The following TENT2 variants were observed in gnomAD, a reference collection of about 807,000 sequenced individuals.
The protein encoded by TENT2 is terminal nucleotidyltransferase 2, also known as poly(A) RNA polymerase GLD2.
TENT2 carries 44 observed loss-of-function variants against 72.2 expected under a neutral mutation model. That is an observed-to-expected ratio of 0.61 (90% CI 0.48 to 0.78). The LOEUF (loss-of-function observed/expected upper bound fraction) is 0.78, where lower values mean the gene tolerates loss of function less well. Ranked by LOEUF, TENT2 falls within the 30% of genes least tolerant of loss-of-function variation. The pLI, the probability that TENT2 is intolerant of heterozygous loss-of-function variation, is 0.00. For missense variants in TENT2, 541 were observed against 569.6 expected, an observed-to-expected ratio of 0.95 and a Z score of 0.51; for synonymous variants, 212 against 192.5, an observed-to-expected ratio of 1.10 and a Z score of -0.84.
In TENT2 at chr5:79,623,390, T is replaced by C. The variant is rs755309543; in HGVS notation, c.366T>C (p.His122=). 3 of 1,613,530 alleles carry C rather than the reference T, an allele frequency of 1.9e-6. No individual in the cohort carries two copies. In the East Asian group the frequency reaches 6.7e-5, roughly 36 times the overall value. The stretch of plus-strand genomic sequence containing the variant: ...GATACTCAATGCCACCATTGTTTCA[T>C]ACACATTATGTACCAGATATAGTCA... ...ERRYSMPPLF[H]THYVPDIVRC... The change falls in exon 4 of 15, where the codon CAT becomes CAC. Residue 122 remains histidine (H), a synonymous_variant. Coordinates refer to ENST00000453514, the MANE Select transcript of TENT2 (RefSeq NM_001114394.3).
rs1462885744 is a variant in TENT2, at chr5:79,686,887, A to G, written c.*1614A>G. Among the ~76,000 whole-genome samples, 1 of 152,200 alleles carries G rather than the reference A, an allele frequency of 6.6e-6. No homozygotes were observed. The highest frequency in any genetic ancestry group is 6.5e-5 in the Admixed American group (1 of 15,280). On this transcript the variant is annotated 3_prime_UTR_variant, in exon 15 of 15. Transcript: ENST00000453514. ...GGGGGGAATTTTTCCTAAAATTTACACTGTGCATCTCTTAATCAGAATGTA... is the reference window on the plus strand; with the variant it reads ...GGGGGGAATTTTTCCTAAAATTTACGCTGTGCATCTCTTAATCAGAATGTA...
In TENT2 at chr5:79,623,356, G is replaced by A. The variant is rs762797024; in HGVS notation, c.332G>A (p.Gly111Asp). 1.9e-6 allele frequency: 3 copies of A among 1,613,172 alleles called. No homozygotes were observed. The highest frequency in any genetic ancestry group is 1.7e-5 in the Admixed American group (1 of 59,888). Reference sequence around the variant, plus strand: ...GTTAACCAGATAGTGCCTTTATCAGGTGAACGAAGATACTCAATGCCACCA... The same window carrying A: ...GTTAACCAGATAGTGCCTTTATCAGATGAACGAAGATACTCAATGCCACCA... ...TVVNQIVPLS[G>D]ERRYSMPPLF... Residue 111 changes from glycine to aspartate, a missense_variant, in exon 4 of 15, where the codon GGT becomes GAT. Coordinates refer to ENST00000453514, the MANE Select transcript of TENT2 (RefSeq NM_001114394.3).
intron 13 of TENT2, 42 bp from the exon 14 acceptor site, chr5:79,681,940 A>C: frequency 6.6e-7 from 1 of 1,516,740 alleles, no homozygotes; most frequent in Admixed American, 1.8e-5. Context: ...TGTAGCTCTC[A>C]TTTTAATAAT....
intron 10 of TENT2, among the ~76,000 whole-genome samples, chr5:79,655,511 TTAAG>T (rs1003887781): frequency 1.4e-4 from 21 of 152,218 alleles, no homozygotes; most frequent in Admixed American, 9.2e-4. Flanking sequence ...ATTCAAGTTT[TTAAG>T]TAAGCTAATT....
In TENT2 at chr5:79,681,986, T is replaced by G. The variant is rs776034187; in HGVS notation, c.1305T>G (p.Pro435=). ...WRNKYICVEE[P]FDGTNTARAV... Reference sequence around the variant, plus strand: ...CATTTGCATTTAACATTGCAGAACCTTTTGATGGAACAAATACAGCCAGAG... The same window carrying G: ...CATTTGCATTTAACATTGCAGAACCGTTTGATGGAACAAATACAGCCAGAG... Residue 435 remains proline (P), a synonymous_variant, in exon 14 of 15, where the codon CCT becomes CCG. Transcript: ENST00000453514. 6.2e-7 allele frequency: 1 copy of G among 1,611,692 alleles called. No homozygotes were observed. Among genetic ancestry groups the G allele is most frequent in the Non-Finnish European group, 8.5e-7 (1 of 1,179,070 alleles).
intron 11 of TENT2, among the ~76,000 whole-genome samples, chr5:79,660,045 T>C (rs912370227): frequency 7.9e-5 from 12 of 152,096 alleles, no homozygotes; most frequent in African/African-American, 2.7e-4. Flanking sequence ...ATTTTTAAAA[T>C]AAGAGAAAAC....
At chr5:79,631,643 A>C (rs1313800245) in intron 4 of TENT2, among the ~76,000 whole-genome samples, 1 of 152,220 alleles carries the variant, frequency 6.6e-6, no homozygotes, top group Non-Finnish European at 1.5e-5. Context: ...GACATTTGGC[A>C]GTGAAAGGGA....
intron 10 of TENT2, among the ~76,000 whole-genome samples, chr5:79,653,959 C>G (rs1239152581): frequency 6.6e-6 from 1 of 152,088 alleles, no homozygotes; most frequent in Non-Finnish European, 1.5e-5. Flanking sequence ...GCTTTAATAT[C>G]TTTTCTGCCA....
intron 4 of TENT2, among the ~76,000 whole-genome samples, chr5:79,638,480 T>G (rs1423160008): frequency 6.6e-6 from 1 of 152,178 alleles, no homozygotes; most frequent in East Asian, 1.9e-4. Context: ...GAACCTCATT[T>G]TGTTTGGAGG....
At chr5:79,679,798 A>C (rs1455468125) in intron 13 of TENT2, 128 bp downstream of exon 13, 1 of 504,478 alleles carries the variant, frequency 2.0e-6, no homozygotes, top group African/African-American at 2.0e-5. Context: ...TTAGTTTAAA[A>C]TTTTTAATTT....
chr5:79,620,066 A>G lies in TENT2; in HGVS notation c.210A>G (p.Pro70=), dbSNP rs1393672132. 35 of 1,607,062 alleles carry G rather than the reference A, an allele frequency of 2.2e-5. No individual in the cohort carries two copies. The highest frequency in any genetic ancestry group is 2.8e-5 in the Non-Finnish European group (33 of 1,174,554). ...GTCCAATACAGACCTCAGCTTCCCCATTATTTCGAGGAAGGAAGTAAGTAC... is the reference window on the plus strand; with the variant it reads ...GTCCAATACAGACCTCAGCTTCCCCGTTATTTCGAGGAAGGAAGTAAGTAC... ...NVSPIQTSAS[P]LFRGRKRLSD... is the part of the protein sequence containing the mutation. The change falls in exon 3 of 15, where the codon CCA becomes CCG. Residue 70 remains proline (P), a synonymous_variant. Coordinates refer to ENST00000453514, the MANE Select transcript of TENT2 (RefSeq NM_001114394.3).
intron 4 of TENT2, among the ~76,000 whole-genome samples, chr5:79,635,833 G>A (rs973485463): frequency 1.3e-5 from 2 of 152,192 alleles, no homozygotes; most frequent in Non-Finnish European, 2.9e-5. Context: ...TAGGATTACA[G>A]GCGTGAGCTA....
chr5:79,679,749 A>C, intron 13 of TENT2, 79 bp downstream of exon 13: 3 of 756,876 alleles, frequency 4.0e-6, no homozygotes, highest in Non-Finnish European at 5.9e-6. Flanking sequence ...GTTTCAGTTA[A>C]AAGTAATACA....
At chr5:79,672,225 A>G (rs1813477130) in intron 12 of TENT2, among the ~76,000 whole-genome samples, 2 of 152,156 alleles carry the variant, frequency 1.3e-5, no homozygotes, top group Admixed American at 6.5e-5. Flanking sequence ...GGTATGTGAG[A>G]TATTTTGATA....
At chr5:79,677,024 A>G (rs1458631390) in intron 12 of TENT2, among the ~76,000 whole-genome samples, 1 of 152,204 alleles carries the variant, frequency 6.6e-6, no homozygotes, top group African/African-American at 2.4e-5. Flanking sequence ...TGATTGTGCC[A>G]CCGTACCCCA....
chr5:79,661,706 G>T (rs1003328003), intron 11 of TENT2, among the ~76,000 whole-genome samples: 2 of 152,232 alleles, frequency 1.3e-5, no homozygotes, highest in East Asian at 1.9e-4. Context: ...GGAGAGTCTT[G>T]CTTTGATACT....
At chr5:79,641,421 G>A in intron 6 of TENT2, among the ~76,000 whole-genome samples, 1 of 147,616 alleles carries the variant, frequency 6.8e-6, no homozygotes, top group East Asian at 2.0e-4. Flanking sequence ...TTTAAAGTGA[G>A]ATGGCTTCAC....
intron 12 of TENT2, among the ~76,000 whole-genome samples, chr5:79,677,422 T>G (rs1323561310): frequency 6.6e-6 from 1 of 152,206 alleles, no homozygotes; most frequent in Non-Finnish European, 1.5e-5. Context: ...CAGGATTTGT[T>G]TTAATAGAAA....
intron 12 of TENT2, 112 bp downstream of exon 12, chr5:79,669,140 G>A: frequency 7.7e-7 from 1 of 1,295,842 alleles, no homozygotes; most frequent in Non-Finnish European, 1.0e-6. Context: ...GTCAGGAGCT[G>A]TGTTTGTCAC....
Sources: allele counts gnomAD v4.1 joint callset (sites outside exome capture counted in the v4.1 genomes callset), GRCh38; gene constraint gnomAD v4.1.1; transcripts MANE v1.5; gene names NCBI Gene and HGNC (gene_info 2026-07-23, HGNC 2026-07-21).